The following CLDN16 variants were observed in gnomAD, a reference collection of about 807,000 sequenced individuals.
The protein encoded by CLDN16 is claudin-16.
In CLDN16, 13 loss-of-function variants were observed where a neutral mutation model predicts 24.6. The ratio of observed to expected loss-of-function variants is 0.53; its 90% CI spans 0.34 to 0.84. The LOEUF is 0.84. Ranked by LOEUF, CLDN16 falls within the 40% of genes least tolerant of loss-of-function variation. The pLI, the probability that CLDN16 is intolerant of heterozygous loss-of-function variation, is 0.01. For missense variants in CLDN16, 298 were observed against 292.7 expected, an observed-to-expected ratio of 1.02 and a Z score of -0.13; for synonymous variants, 116 against 106.7, an observed-to-expected ratio of 1.09 and a Z score of -0.54.
At chr3:190,362,010 AGTCTAACCTGGTCTAACCTG>A (rs144847568) in intron 1 of CLDN16, among the ~76,000 whole-genome samples, 3 of 149,956 alleles carry the variant, frequency 2.0e-5, no homozygotes, top group South Asian at 2.1e-4. Flanking sequence ...TGGTCTAACC[AGTCTAACCTGGTCTAACCTG>A]GTCTAACCTG....
the CLDN16 span, among the ~76,000 whole-genome samples, chr3:190,317,424 CTT>C: frequency 1.3e-5 from 2 of 152,090 alleles, no homozygotes; most frequent in Non-Finnish European, 2.9e-5. Context: ...AAAGTAAATA[CTT>C]ACAAAGATCT....
At chr3:190,333,207 A>T (rs1375507857) in intron 1 of CLDN16, among the ~76,000 whole-genome samples, 1 of 152,162 alleles carries the variant, frequency 6.6e-6, no homozygotes, top group East Asian at 1.9e-4. Flanking sequence ...TCTCAATAAA[A>T]TTAGGTAATT....
At chr3:190,381,867 C>T (rs1424519524) in intron 3 of CLDN16, among the ~76,000 whole-genome samples, 2 of 152,124 alleles carry the variant, frequency 1.3e-5, no homozygotes, top group African/African-American at 4.8e-5. Flanking sequence ...TAAGTACACA[C>T]TGAAATCTTA....
chr3:190,336,949 C>G (rs927068420), intron 1 of CLDN16, among the ~76,000 whole-genome samples: 1 of 152,210 alleles, frequency 6.6e-6, no homozygotes, highest in African/African-American at 2.4e-5. Context: ...AACAAATATT[C>G]CAGACTTCTT....
chr3:190,354,278 CA>C, intron 1 of CLDN16, among the ~76,000 whole-genome samples: 1 of 151,912 alleles, frequency 6.6e-6, no homozygotes, highest in Non-Finnish European at 1.5e-5. Flanking sequence ...ATTATTTTGT[CA>C]ACCACAGTTT....
rs1717151254 is a variant in CLDN16 at position 190,330,047 on chromosome 3, ACC to A, written n.121+7387_121+7388del. ...GAAATATCTCAACCGTCCCCCCTCCACCAGCATCACTTAATCATATACATGAC... is the reference window on the plus strand; with the variant it reads ...GAAATATCTCAACCGTCCCCCCTCCAAGCATCACTTAATCATATACATGAC... On this transcript the variant is annotated intron_variant and non_coding_transcript_variant, in intron 1 of 4. Coordinates refer to the CLDN16 transcript ENST00000468220. 1.4e-5 allele frequency among the ~76,000 whole-genome samples: 2 copies of A among 142,634 alleles called. 1 individual carries two copies. The highest frequency in any genetic ancestry group is 4.5e-4 in the East Asian group (2 of 4,398). The allele number at this position is 142,634 out of a possible 152,430, so 93.6% of individuals were successfully genotyped here. A position where few individuals can be genotyped will look rare whatever the true frequency, so the allele number is the denominator to read the frequency against.
intron 1 of CLDN16, among the ~76,000 whole-genome samples, chr3:190,391,235 G>A (rs1211436196): frequency 1.4e-5 from 2 of 142,026 alleles, no homozygotes; most frequent in South Asian, 4.5e-4. Flanking sequence ...TAGTATATTT[G>A]GATGATGTTG....
At chr3:190,353,461 A>G (rs1339124097) in intron 1 of CLDN16, among the ~76,000 whole-genome samples, 9 of 152,220 alleles carry the variant, frequency 5.9e-5, no homozygotes, top group Admixed American at 5.2e-4. Flanking sequence ...TGAATAAAGC[A>G]TGTACCCCAG....
At chr3:190,308,168 C>T in the CLDN16 span, 1 of 1,277,734 alleles carries the variant, frequency 7.8e-7, no homozygotes, top group African/African-American at 1.5e-5. Flanking sequence ...TTTGTAATAC[C>T]ATACTTCAGA....
chr3:190,322,605 G>T (rs963048197), exon 1 of CLDN16: 4 of 303,932 alleles, frequency 1.3e-5, no homozygotes, highest in African/African-American at 2.3e-5. Flanking sequence ...CACCCGGCAG[G>T]ACCAGGCACC....
At chr3:190,386,158 AT>A (rs1718492729), upstream of CLDN16, among the ~76,000 whole-genome samples, 1 of 152,120 alleles carries the variant, frequency 6.6e-6, no homozygotes, top group Non-Finnish European at 1.5e-5. Flanking sequence ...AGCAGAGTAA[AT>A]CTTAATAGCA....
At chr3:190,395,539 A>C (rs1181978505) in intron 1 of CLDN16, among the ~76,000 whole-genome samples, 1 of 152,040 alleles carries the variant, frequency 6.6e-6, no homozygotes, top group African/African-American at 2.4e-5. Flanking sequence ...AAATGTTTCC[A>C]ATTTTAGTAG....
chr3:190,329,074 A>C (rs1226228409), intron 1 of CLDN16, among the ~76,000 whole-genome samples: 3 of 152,198 alleles, frequency 2.0e-5, no homozygotes, highest in Non-Finnish European at 4.4e-5. Flanking sequence ...GTAGTCAATA[A>C]GGAGCAATCA....
At chr3:190,333,558 CT>C (rs1488471726) in intron 1 of CLDN16, among the ~76,000 whole-genome samples, 9 of 131,176 alleles carry the variant, frequency 6.9e-5, no homozygotes, top group African/African-American at 2.6e-4. Flanking sequence ...ATCTATCTAT[CT>C]ATCTATCTAT....
chr3:190,336,197 T>C (rs1577399734), intron 1 of CLDN16, among the ~76,000 whole-genome samples: 3 of 152,338 alleles, frequency 2.0e-5, no homozygotes, highest in Admixed American at 2.0e-4. Flanking sequence ...TTTTCTCACT[T>C]GCAGCTTGGG....
At chr3:190,291,962 C>T in the CLDN16 span, among the ~76,000 whole-genome samples, 4 of 152,206 alleles carry the variant, frequency 2.6e-5, no homozygotes, top group Non-Finnish European at 5.9e-5. Context: ...GAAACTCCTT[C>T]ATGGGCTGGT....
the CLDN16 span, among the ~76,000 whole-genome samples, chr3:190,297,772 A>G: frequency 7.0e-6 from 1 of 142,046 alleles, no homozygotes; most frequent in Non-Finnish European, 1.5e-5. Flanking sequence ...ACATATATAC[A>G]TACCTGAAAA....
the CLDN16 span, among the ~76,000 whole-genome samples, chr3:190,309,011 T>C: frequency 1.3e-5 from 2 of 152,272 alleles, no homozygotes; most frequent in East Asian, 3.9e-4. Context: ...GTGGGGTATC[T>C]GTGAGTGATT....
intron 1 of CLDN16, among the ~76,000 whole-genome samples, chr3:190,350,642 A>C (rs181024559): frequency 6.6e-6 from 1 of 152,124 alleles, no homozygotes; most frequent in Non-Finnish European, 1.5e-5. Context: ...ATGAGAATGC[A>C]CCTTCCAGAC....
Sources: allele counts gnomAD v4.1 joint callset (sites outside exome capture counted in the v4.1 genomes callset), GRCh38; gene constraint gnomAD v4.1.1; transcripts MANE v1.5; gene names NCBI Gene and HGNC (gene_info 2026-07-23, HGNC 2026-07-21).